NDST4: variants seen among roughly 807,000 people sequenced by gnomAD.
The protein encoded by NDST4 is N-heparan sulfate sulfotransferase 4.
A neutral mutation model predicts 100.8 loss-of-function variants in NDST4; 63 were observed. The observed-to-expected ratio is 0.62, with a 90% CI of 0.51 to 0.77. The LOEUF (loss-of-function observed/expected upper bound fraction) is 0.77, where lower values mean the gene tolerates loss of function less well. NDST4 is among the 30% of genes least tolerant of loss of function. The probability of loss-of-function intolerance (pLI) is 0.00; values close to 1 mark genes in which losing one functional copy is unlikely to be tolerated. For synonymous variants in NDST4, 377 were observed against 361.8 expected, an observed-to-expected ratio of 1.04 and a Z score of -0.48; for missense variants, 943 against 1,018.4, an observed-to-expected ratio of 0.93 and a Z score of 1.01.
intron 4 of NDST4, among the ~76,000 whole-genome samples, chr4:114,949,374 G>C (rs529453632): frequency 6.6e-6 from 1 of 151,986 alleles, no homozygotes; most frequent in Non-Finnish European, 1.5e-5. Context: ...GTCGGATAGG[G>C]AATGGGTCCA....
chr4:114,894,316 T>C (rs1724666797), intron 6 of NDST4, among the ~76,000 whole-genome samples: 1 of 152,242 alleles, frequency 6.6e-6, no homozygotes, highest in South Asian at 2.1e-4. Flanking sequence ...ATTGAATCTA[T>C]AAATTACTTT....
rs372222732 is a variant in NDST4 at position 115,076,947 on chromosome 4, G to A, written c.90C>T (p.Ala30=). Residue 30 remains alanine (A), a synonymous_variant, in exon 2 of 14, where the codon GCC becomes GCT. Coordinates refer to ENST00000264363, the MANE Select transcript of NDST4 (RefSeq NM_022569.3). ...GTTTGTAGCCAGAGTAGAGAAAATA[G>A]GCAGAAATGACAATGCTCACCAAGC... is the stretch of plus-strand genomic sequence containing the variant. ...TFCLVSIVIS[A]YFLYSGYKQE... The A allele has an allele frequency of 1.2e-6, 2 of 1,613,388 alleles. No individual in the cohort carries two copies. The highest frequency in any genetic ancestry group is 2.7e-5 in the African/African-American group (2 of 74,896).
intron 6 of NDST4, among the ~76,000 whole-genome samples, chr4:114,932,176 A>C (rs1725529548): frequency 6.6e-6 from 1 of 151,984 alleles, no homozygotes; most frequent in Admixed American, 6.5e-5. Context: ...CCTAGGATGT[A>C]AAAATGGTTC....
intron 2 of NDST4, among the ~76,000 whole-genome samples, chr4:115,018,444 TTG>T (rs1254431875): frequency 1.3e-5 from 2 of 152,008 alleles, no homozygotes; most frequent in Non-Finnish European, 2.9e-5. Context: ...TTAATATTGA[TTG>T]TGTGTTTTCT....
At chr4:114,980,335 G>T (rs114318891) in intron 2 of NDST4, among the ~76,000 whole-genome samples, 1,810 of 152,246 alleles carry the variant, frequency 0.012, 38 homozygotes, top group African/African-American at 0.04. Flanking sequence ...GGAAACTTTA[G>T]TTTTGAATAT....
At chr4:114,887,595 CA>C (rs1343475804) in intron 6 of NDST4, among the ~76,000 whole-genome samples, 1 of 152,114 alleles carries the variant, frequency 6.6e-6, no homozygotes, top group African/African-American at 2.4e-5. Context: ...CAAAAGCAAA[CA>C]GACATCCATA....
intron 1 of NDST4, among the ~76,000 whole-genome samples, chr4:115,111,894 T>C (rs762701717): frequency 6.6e-6 from 1 of 151,888 alleles, no homozygotes; most frequent in Non-Finnish European, 1.5e-5. Flanking sequence ...TCATAATGTA[T>C]TGTCATACGA....
At chr4:115,097,852 T>C (rs900313110) in intron 1 of NDST4, among the ~76,000 whole-genome samples, 1 of 152,212 alleles carries the variant, frequency 6.6e-6, no homozygotes, top group Non-Finnish European at 1.5e-5. Flanking sequence ...TCTCCAAACA[T>C]GCTGTGTTCT....
chr4:114,841,263 G>A (rs113191760), intron 10 of NDST4, among the ~76,000 whole-genome samples: 4 of 152,104 alleles, frequency 2.6e-5, no homozygotes, highest in Admixed American at 6.6e-5. Flanking sequence ...TGCGAGGTCC[G>A]TTATAAAAAT....
At chr4:114,909,517 G>A (rs1026740718) in intron 6 of NDST4, among the ~76,000 whole-genome samples, 9 of 150,560 alleles carry the variant, frequency 6.0e-5, no homozygotes, top group Non-Finnish European at 7.4e-5. Flanking sequence ...AAAATTAGCC[G>A]GGCGCGGTGG....
At chr4:114,978,856 T>A (rs1207420116) in intron 2 of NDST4, among the ~76,000 whole-genome samples, 1 of 152,140 alleles carries the variant, frequency 6.6e-6, no homozygotes, top group African/African-American at 2.4e-5. Flanking sequence ...TTATTCTGCA[T>A]TTATTTATCT....
At chr4:115,016,371 C>T (rs1308983873) in intron 2 of NDST4, among the ~76,000 whole-genome samples, 1 of 152,076 alleles carries the variant, frequency 6.6e-6, no homozygotes, top group African/African-American at 2.4e-5. Flanking sequence ...TCCAGAAATC[C>T]AGAAGAGGAA....
At chr4:114,943,010 C>T (rs916544244) in intron 4 of NDST4, among the ~76,000 whole-genome samples, 4 of 145,534 alleles carry the variant, frequency 2.7e-5, no homozygotes, top group East Asian at 2.0e-4. Flanking sequence ...ATAATATTTA[C>T]ATATATTATA....
chr4:114,923,348 T>C (rs1232463066), intron 6 of NDST4, among the ~76,000 whole-genome samples: 2 of 152,034 alleles, frequency 1.3e-5, no homozygotes, highest in Non-Finnish European at 1.5e-5. Context: ...TAAGGTAAAA[T>C]GATCCAAAAG....
chr4:115,078,718 G>A (rs7657227), intron 1 of NDST4, among the ~76,000 whole-genome samples: 1,812 of 152,134 alleles, frequency 0.012, 33 homozygotes, highest in African/African-American at 0.041. Context: ...GTGGGTGCCT[G>A]TAATCCCAAC....
At chr4:114,921,016 T>A (rs551019326) in intron 6 of NDST4, among the ~76,000 whole-genome samples, 4 of 152,326 alleles carry the variant, frequency 2.6e-5, no homozygotes, top group African/African-American at 9.6e-5. Flanking sequence ...GAGGTTGCCA[T>A]AATTCTATGT....
At chr4:115,024,199 G>A (rs1474423239) in intron 2 of NDST4, among the ~76,000 whole-genome samples, 2 of 152,140 alleles carry the variant, frequency 1.3e-5, no homozygotes, top group African/African-American at 4.8e-5. Flanking sequence ...AGCCACTCTA[G>A]AGAATCCTCA....
At chr4:114,943,299 C>T (rs1315342133) in intron 4 of NDST4, among the ~76,000 whole-genome samples, 1 of 151,540 alleles carries the variant, frequency 6.6e-6, no homozygotes, top group African/African-American at 2.4e-5. Context: ...CACTATAATT[C>T]ATATCTGCAC....
intron 2 of NDST4, among the ~76,000 whole-genome samples, chr4:115,068,966 A>G (rs1729013234): frequency 6.6e-6 from 1 of 152,110 alleles, no homozygotes; most frequent in Non-Finnish European, 1.5e-5. Flanking sequence ...CTTGAGGCAA[A>G]ACTAGATGTA....
Sources: gnomAD v4.1 joint callset for allele counts (sites outside exome capture counted in the v4.1 genomes callset) on GRCh38, gnomAD v4.1.1 for gene constraint, MANE v1.5 for transcripts, NCBI Gene and HGNC (gene_info 2026-07-23, HGNC 2026-07-21) for gene names.